The following ADGRB2 variants were observed in gnomAD, a reference collection of about 807,000 sequenced individuals.
ADGRB2 encodes the protein brain-specific angiogenesis inhibitor 2.
In ADGRB2, 47 loss-of-function variants were observed where a neutral mutation model predicts 178.7. That is an observed-to-expected ratio of 0.26 (90% CI 0.21 to 0.34). The LOEUF (loss-of-function observed/expected upper bound fraction) is 0.34. Among genes scored for constraint, ADGRB2 ranks in the 10% least tolerant of loss-of-function variants. The pLI, the probability that ADGRB2 is intolerant of heterozygous loss-of-function variation, is 1.00. For synonymous variants in ADGRB2, 870 were observed against 912.4 expected, an observed-to-expected ratio of 0.95 and a Z score of 0.84; for missense variants, 1,584 against 2,180.8, an observed-to-expected ratio of 0.73 and a Z score of 5.45.
chr1:31,736,835 G>C, intron 20 of ADGRB2, 112 bp from the exon 21 acceptor site: 2 of 1,456,274 alleles, frequency 1.4e-6, no homozygotes, highest in Non-Finnish European at 1.8e-6. Context: ...CCTGAGCCCC[G>C]CCCCCCACAG....
intron 4 of ADGRB2, among the ~76,000 whole-genome samples, chr1:31,749,014 T>C (rs1028817645): frequency 1.2e-4 from 18 of 152,204 alleles, no homozygotes; most frequent in Non-Finnish European, 2.1e-4. Context: ...ACACTGGCTC[T>C]GACAAAATGC....
Position 31,733,236 on chromosome 1 carries a change from G to T in ADGRB2, c.3453-93C>A. ...TCCACTCAGCTGGAGCTCTTCAGCTGCCCAAGACTGGGAGGGCCCCAAACC... is the reference window on the plus strand; with the variant it reads ...TCCACTCAGCTGGAGCTCTTCAGCTTCCCAAGACTGGGAGGGCCCCAAACC... On this transcript the variant is annotated intron_variant, in intron 25 of 32. Transcript: ENST00000373658. The surrounding 1 kb of genome is among the most constrained non-coding windows in gnomAD (Gnocchi z 4.3). The T allele has an allele frequency of 7.1e-7, 1 of 1,401,372 alleles. No homozygotes were observed. 86.8% of individuals were successfully genotyped at this position (1,401,372 alleles called of 1,614,324 possible). A position where few individuals can be genotyped will look rare whatever the true frequency, so the allele number is the denominator to read the frequency against.
chr1:31,735,444 C>T lies in ADGRB2; in HGVS notation c.3353+136G>A. On this transcript the variant is annotated intron_variant, in intron 24 of 32. Transcript: ENST00000373658. The surrounding 1 kb of genome is among the most constrained non-coding windows in gnomAD (Gnocchi z 6.0). ...GCGGCTGAGCACTCCGGGTGCCCAC[C>T]TTGCCTGCAACCTTGATGCACCAAG... 1 of 1,312,074 alleles carries T rather than the reference C, an allele frequency of 7.6e-7. No individual in the cohort carries two copies. Among genetic ancestry groups the T allele is most frequent in the Non-Finnish European group, 1.1e-6 (1 of 931,954 alleles). The allele number at this position is 1,312,074 out of a possible 1,614,324, so 81.3% of individuals were successfully genotyped here. A position where few individuals can be genotyped will look rare whatever the true frequency, so the allele number is the denominator to read the frequency against.
intron 4 of ADGRB2, among the ~76,000 whole-genome samples, chr1:31,745,812 TGCCCA>T (rs1646243714): frequency 6.6e-6 from 1 of 152,222 alleles, no homozygotes; most frequent in South Asian, 2.1e-4. Context: ...TGCCCCCTGC[TGCCCA>T]GCCCGGGCTC....
In ADGRB2 at chr1:31,727,304, C is replaced by T. The variant is rs747850508; in HGVS notation, c.*116G>A. ...CAGCCTGGCTGAGTCCACGGCGCCTCCCTGCCCAGCCCTCGGGAGAGGGGA... is the reference window on the plus strand; with the variant it reads ...CAGCCTGGCTGAGTCCACGGCGCCTTCCTGCCCAGCCCTCGGGAGAGGGGA... On this transcript the variant is annotated 3_prime_UTR_variant, in exon 33 of 33. Coordinates refer to ENST00000373658, the MANE Select transcript of ADGRB2 (RefSeq NM_001364857.2). This position sits in a 1 kb window ranked among gnomAD's most constrained non-coding sequence, Gnocchi z 4.4. 5.8e-5 allele frequency: 77 copies of T among 1,327,142 alleles called. No individual in the cohort carries two copies. Among genetic ancestry groups the T allele is most frequent in the Non-Finnish European group, 7.1e-5 (72 of 1,008,438 alleles). 82.2% of individuals were successfully genotyped at this position (1,327,142 alleles called of 1,614,324 possible).
At chr1:31,760,442 T>C (rs543709264) in intron 1 of ADGRB2, among the ~76,000 whole-genome samples, 12 of 152,270 alleles carry the variant, frequency 7.9e-5, no homozygotes, top group African/African-American at 2.9e-4. Context: ...GCTTCCCTTC[T>C]GCACCAATAA....
Position 31,742,124 on chromosome 1 carries a change from G to A in ADGRB2, c.1346C>T (p.Ala449Val), listed in dbSNP as rs756718959. 3.7e-5 allele frequency: 60 copies of A among 1,613,298 alleles called. No individual in the cohort carries two copies. The Middle Eastern group carries it at 1.2e-3, about 31-fold the overall frequency. Residue 449 changes from alanine to valine, a missense_variant, in exon 8 of 33, where the codon GCG (alanine) becomes GTG (valine). Physicochemically the swap from Ala to Val is moderately conservative, Grantham distance 64. This residue lies in a region of ADGRB2 where 657 missense variants were observed against 847.6 expected (regional missense o/e 0.78). Coordinates refer to ENST00000373658, the MANE Select transcript of ADGRB2 (RefSeq NM_001364857.2). Reference protein sequence around the residue: ...TQQRSRKCSVAGPAWATCTGA... With the variant: ...TQQRSRKCSVVGPAWATCTGA... ...CGTGCATGTGGCCCAGGCTGGGCCC[G>A]CCACGCTGCACTTCCGGCTGCGCTG...
At chr1:31,752,762 C>G (rs564481189) in intron 4 of ADGRB2, among the ~76,000 whole-genome samples, 9 of 151,524 alleles carry the variant, frequency 5.9e-5, no homozygotes, top group Admixed American at 3.9e-4. Context: ...GCTGGGGGCT[C>G]GATCAGGGGG....
rs764144159 is a variant in ADGRB2 at position 31,728,557 on chromosome 1, C to T, written c.4416+41G>A. 6.2e-7 allele frequency: 1 copy of T among 1,613,482 alleles called. No homozygotes were observed. Among genetic ancestry groups the T allele is most frequent in the Non-Finnish European group, 8.5e-7 (1 of 1,179,408 alleles). ...GTGAGCCCTCCAGGGACAGACACCACAGCCAGATGTCCCACCGCCCAGCAC... is the reference window on the plus strand; with the variant it reads ...GTGAGCCCTCCAGGGACAGACACCATAGCCAGATGTCCCACCGCCCAGCAC... On this transcript the variant is annotated intron_variant, in intron 30 of 32. Transcript: ENST00000373658. This position sits in a 1 kb window ranked among gnomAD's most constrained non-coding sequence, Gnocchi z 6.7.
intron 27 of ADGRB2, 57 bp from the exon 28 acceptor site, chr1:31,732,211 G>A: frequency 6.2e-7 from 1 of 1,608,660 alleles, no homozygotes; most frequent in Non-Finnish European, 8.5e-7. Context: ...TATCAGGGTG[G>A]GAGGAGGCTC....
intron 1 of ADGRB2, among the ~76,000 whole-genome samples, chr1:31,763,481 G>C (rs551949680): frequency 7.2e-6 from 1 of 138,916 alleles, no homozygotes; most frequent in African/African-American, 2.6e-5. Flanking sequence ...GGGAGACACA[G>C]TTGAGCTGCA....
chr1:31,743,337 A>C (rs1646089677), intron 6 of ADGRB2: 1 of 259,896 alleles, frequency 3.8e-6, no homozygotes, highest in Admixed American at 5.4e-5. Context: ...GACCCACGCC[A>C]TTCCACCCCT....
In ADGRB2 at chr1:31,743,016, C is replaced by T. The variant is rs1646063514; in HGVS notation, c.1088-14G>A. The T allele has an allele frequency of 4.9e-6, 7 of 1,419,558 alleles. No homozygotes were observed. The highest frequency in any genetic ancestry group is 2.9e-5 in the East Asian group (1 of 34,428). The allele number at this position is 1,419,558 out of a possible 1,614,324, so 87.9% of individuals were successfully genotyped here. A position where few individuals can be genotyped will look rare whatever the true frequency, so the allele number is the denominator to read the frequency against. ...ACACGCCGTGCACTGCAAGGAAGCA[C>T]GTGGCCGGTGGCTGGGCGGCACCAT... On this transcript the variant is annotated splice_polypyrimidine_tract_variant and intron_variant, in intron 6 of 32. Transcript: ENST00000373658.
chr1:31,744,163 C>A lies in ADGRB2; in HGVS notation c.1087+30G>T. 6.7e-7 allele frequency: 1 copy of A among 1,499,732 alleles called. No homozygotes were observed. Among genetic ancestry groups the A allele is most frequent in the South Asian group, 1.3e-5 (1 of 79,036 alleles). The allele number at this position is 1,499,732 out of a possible 1,614,324, so 92.9% of individuals were successfully genotyped here. A position where few individuals can be genotyped will look rare whatever the true frequency, so the allele number is the denominator to read the frequency against. ...CCCAGGCAGGACCTAACCCTGCAGG[C>A]AGGTGGGGTGGGGAGGAGGATGGGC... On this transcript the variant is annotated intron_variant, in intron 6 of 32. Coordinates refer to ENST00000373658, the MANE Select transcript of ADGRB2 (RefSeq NM_001364857.2). The surrounding 1 kb of genome is among the most constrained non-coding windows in gnomAD (Gnocchi z 6.7).
At position 31,756,678 on chromosome 1, in the gene ADGRB2, C is replaced by A. The variant is rs371387969; in HGVS notation, c.159G>T (p.Ser53=). 2.5e-6 allele frequency: 4 copies of A among 1,608,314 alleles called. No individual in the cohort carries two copies. Among genetic ancestry groups the A allele is most frequent in the Non-Finnish European group, 3.4e-6 (4 of 1,177,442 alleles). ...CGATGGTAGGAAAGAGGTCCTGCAG[C>A]GAGAAGGCCCCGTAGAGCACACCCG... ...LASGVLYGAF[S]LQDLFPTIAS... Residue 53 remains serine (S), a synonymous_variant, in exon 4 of 33, where the codon TCG becomes TCT. Transcript: ENST00000373658. The surrounding 1 kb of genome is among the most constrained non-coding windows in gnomAD (Gnocchi z 8.5).
rs1646020928 is a variant in ADGRB2 at position 31,742,318 on chromosome 1, G to GCCGC, written c.1253-102_1253-101insGCGG. The GCCGC allele has an allele frequency of 6.1e-6, 9 of 1,476,264 alleles. No homozygotes were observed. In the South Asian group the frequency reaches 1.2e-4, roughly 20 times the overall value. The allele number at this position is 1,476,264 out of a possible 1,614,324, so 91.4% of individuals were successfully genotyped here. On this transcript the variant is annotated intron_variant, in intron 7 of 32. Transcript: ENST00000373658. ...AGACCCAGAGCCTGCTAGGCATTCAGATTTGAGCCAGGCCAGACCCACTGG... is the reference window on the plus strand; with the variant it reads ...AGACCCAGAGCCTGCTAGGCATTCAGCCGCATTTGAGCCAGGCCAGACCCACTGG...
Position 31,738,179 on chromosome 1 carries a change from AG to A in ADGRB2, c.2772+20del. The A allele has an allele frequency of 6.2e-7, 1 of 1,612,830 alleles. No homozygotes were observed. The highest frequency in any genetic ancestry group is 8.5e-7 in the Non-Finnish European group (1 of 1,179,036). On this transcript the variant is annotated intron_variant, in intron 18 of 32. Coordinates refer to ENST00000373658, the MANE Select transcript of ADGRB2 (RefSeq NM_001364857.2). ...CAGGGCCTCCTCCCTTATTCAGCCC[AG>A]GCACCTCTGTTCCACTCACCAGGTC...
chr1:31,742,988 C>T lies in ADGRB2; in HGVS notation c.1102G>A (p.Glu368Lys). 6.6e-7 allele frequency: 1 copy of T among 1,517,676 alleles called. No homozygotes were observed. Among genetic ancestry groups the T allele is most frequent in the Non-Finnish European group, 8.8e-7 (1 of 1,130,358 alleles). 94.0% of individuals were successfully genotyped at this position (1,517,676 alleles called of 1,614,324 possible). A position where few individuals can be genotyped will look rare whatever the true frequency, so the allele number is the denominator to read the frequency against. ...CACAGGCTCCAGGACCCCCACTCCT[C>T]CCACACGCCGTGCACTGCAAGGAAG... is the stretch of plus-strand genomic sequence containing the variant. ...SATCPVHGVWEEWGSWSLCSR... is the reference protein window; with the variant it reads ...SATCPVHGVWKEWGSWSLCSR... Residue 368 changes from glutamate to lysine, a missense_variant, in exon 7 of 33, where the codon GAG (glutamate) becomes AAG (lysine). Glu to Lys is a moderately conservative substitution (Grantham distance 56). This residue lies in a region of ADGRB2 where 657 missense variants were observed against 847.6 expected (regional missense o/e 0.78). Transcript: ENST00000373658.
In ADGRB2 at chr1:31,757,448, T is replaced by C. The variant is rs941617199; in HGVS notation, c.-127A>G. ...AGTGTGCCAGGAACTGCGCACAACC[T>C]GAGCCATGCCCACAGGAGGGCACTG... On this transcript the variant is annotated 5_prime_UTR_variant, in exon 2 of 33. Coordinates refer to ENST00000373658, the MANE Select transcript of ADGRB2 (RefSeq NM_001364857.2). The C allele has an allele frequency of 6.7e-6, 4 of 599,246 alleles. No individual in the cohort carries two copies. The highest frequency in any genetic ancestry group is 1.2e-5 in the Non-Finnish European group (4 of 335,276). The allele number at this position is 599,246 out of a possible 1,614,324, so 37.1% of individuals were successfully genotyped here.
Sources: gnomAD v4.1 joint callset for allele counts (sites outside exome capture counted in the v4.1 genomes callset) on GRCh38, gnomAD v4.1.1 for gene constraint, gnomAD v4.1.1 regional missense constraint, Gnocchi (gnomAD v3.1) non-coding constraint, MANE v1.5 for transcripts, NCBI Gene and HGNC (gene_info 2026-07-23, HGNC 2026-07-21) for gene names.